Variants in C13orf46 observed in about 807,000 individuals in gnomAD.
C13orf46 encodes uncharacterized protein C13orf46.
the C13orf46 span, among the ~76,000 whole-genome samples, chr13:113,936,887 G>A: frequency 1.3e-5 from 2 of 151,754 alleles, no homozygotes; most frequent in Non-Finnish European, 2.9e-5. Flanking sequence ...CCGTAGTGAC[G>A]TTATCTGCGG....
At chr13:113,931,171 C>A in the C13orf46 span, among the ~76,000 whole-genome samples, 1 of 152,246 alleles carries the variant, frequency 6.6e-6, no homozygotes, top group African/African-American at 2.4e-5. Flanking sequence ...GGGTTCCCTC[C>A]CGGCCCCCAG....
the C13orf46 span, among the ~76,000 whole-genome samples, chr13:113,933,199 G>A: frequency 6.6e-6 from 1 of 152,212 alleles, no homozygotes; most frequent in Admixed American, 6.5e-5. Flanking sequence ...TGAGGTAAGG[G>A]TTTTGAGGAT....
rs2052499610 is a variant in C13orf46, at chr13:113,953,798, A to G, written c.*2975T>C. On this transcript the variant is annotated 3_prime_UTR_variant, in exon 7 of 7. Transcript: ENST00000636427. ...CCTGCCCCACCAAGGGGACAAACCA[A>G]CCGTATTTCCGGAAGCTTCTCTGGG... The G allele has an allele frequency of 6.6e-6, 1 of 152,208 alleles. No individual in the cohort carries two copies. Among genetic ancestry groups the G allele is most frequent in the Non-Finnish European group, 1.5e-5 (1 of 68,076 alleles). 9.4% of individuals were successfully genotyped at this position (152,208 alleles called of 1,614,324 possible). A position where few individuals can be genotyped will look rare whatever the true frequency, so the allele number is the denominator to read the frequency against.
the C13orf46 span, among the ~76,000 whole-genome samples, chr13:113,939,372 C>T: frequency 1.3e-5 from 2 of 151,784 alleles, no homozygotes; most frequent in South Asian, 2.1e-4. Flanking sequence ...AGGATGCAGA[C>T]CACCCGATGG....
chr13:113,958,197 AGT>A (rs2052558066), intron 6 of C13orf46, among the ~76,000 whole-genome samples: 1 of 139,560 alleles, frequency 7.2e-6, no homozygotes, highest in African/African-American at 2.8e-5. Flanking sequence ...CCTTTCATCA[AGT>A]GCACTGGGGG....
the C13orf46 span, among the ~76,000 whole-genome samples, chr13:113,943,128 G>A: frequency 1.3e-5 from 2 of 152,192 alleles, no homozygotes; most frequent in South Asian, 2.1e-4. Context: ...AGACAGCAGC[G>A]TTGGCTCCTG....
chr13:113,962,424 G>A (rs1003839972), intron 6 of C13orf46, among the ~76,000 whole-genome samples: 4 of 152,162 alleles, frequency 2.6e-5, no homozygotes, highest in Non-Finnish European at 5.9e-5. Flanking sequence ...AAAAAGAGAT[G>A]GAGCCTGCCA....
At chr13:113,937,616 A>G in the C13orf46 span, among the ~76,000 whole-genome samples, 2 of 152,196 alleles carry the variant, frequency 1.3e-5, no homozygotes, top group Non-Finnish European at 2.9e-5. Flanking sequence ...TCCTGACAAC[A>G]TGCCTGAGGT....
chr13:113,950,457 C>A (rs2052484532), downstream of C13orf46, among the ~76,000 whole-genome samples: 1 of 152,120 alleles, frequency 6.6e-6, no homozygotes, highest in Non-Finnish European at 1.5e-5. Flanking sequence ...TCACCCCCTG[C>A]CTTGGGCACC....
intron 5 of C13orf46, among the ~76,000 whole-genome samples, chr13:113,965,571 G>T (rs988137402): frequency 4.0e-5 from 6 of 150,690 alleles, no homozygotes; most frequent in Admixed American, 2.7e-4. Flanking sequence ...CGATGGTGAT[G>T]ATGATGATTA....
downstream of C13orf46, among the ~76,000 whole-genome samples, chr13:113,950,794 C>A (rs1433346034): frequency 1.3e-5 from 2 of 152,194 alleles, no homozygotes; most frequent in African/African-American, 4.8e-5. Context: ...GGAGAGACTC[C>A]CTCCCGCTCC....
chr13:113,932,546 A>G, the C13orf46 span, among the ~76,000 whole-genome samples: 2 of 152,196 alleles, frequency 1.3e-5, no homozygotes, highest in Non-Finnish European at 2.9e-5. Flanking sequence ...ATCCATTCAA[A>G]TATTTTGCCT....
chr13:113,936,179 C>G, the C13orf46 span, among the ~76,000 whole-genome samples: 1 of 152,214 alleles, frequency 6.6e-6, no homozygotes, highest in African/African-American at 2.4e-5. Flanking sequence ...TGCTTGGAGT[C>G]TCTGGGTGAG....
At chr13:113,946,688 C>T in the C13orf46 span, among the ~76,000 whole-genome samples, 5 of 152,372 alleles carry the variant, frequency 3.3e-5, no homozygotes, top group East Asian at 7.7e-4. Context: ...CCTATGGCAT[C>T]GTCAGGCCAC....
At chr13:113,949,555 C>T (rs1031837886), downstream of C13orf46, among the ~76,000 whole-genome samples, 1 of 152,214 alleles carries the variant, frequency 6.6e-6, no homozygotes, top group South Asian at 2.1e-4. Flanking sequence ...TCTCCGGATT[C>T]CTCTTTTTGC....
At chr13:113,971,646 CCCA>C (rs2052706778) in intron 1 of C13orf46, among the ~76,000 whole-genome samples, 1 of 152,228 alleles carries the variant, frequency 6.6e-6, no homozygotes, top group Admixed American at 6.5e-5. Context: ...AGTCGGCCAC[CCCA>C]CGTCTCCCGC....
chr13:113,934,269 C>T, the C13orf46 span, among the ~76,000 whole-genome samples: 27 of 152,308 alleles, frequency 1.8e-4, no homozygotes, highest in African/African-American at 6.0e-4. Context: ...CCCAGGTTTT[C>T]GCTGTTCCAA....
At chr13:113,938,784 C>T in the C13orf46 span, among the ~76,000 whole-genome samples, 1 of 152,180 alleles carries the variant, frequency 6.6e-6, no homozygotes, top group Non-Finnish European at 1.5e-5. Context: ...CAACACACAG[C>T]TCTTTCCTGT....
At chr13:113,973,195 T>C (rs2052727166) in intron 1 of C13orf46, among the ~76,000 whole-genome samples, 1 of 152,180 alleles carries the variant, frequency 6.6e-6, no homozygotes, top group Non-Finnish European at 1.5e-5. Context: ...CAGGCCTCCC[T>C]CATCATTCAC....
Sources: gnomAD v4.1 joint callset for allele counts (sites outside exome capture counted in the v4.1 genomes callset) on GRCh38, gnomAD v4.1.1 for gene constraint, MANE v1.5 for transcripts, NCBI Gene and HGNC (gene_info 2026-07-23, HGNC 2026-07-21) for gene names.